The following MMS22L variants were observed in gnomAD, a reference collection of about 807,000 sequenced individuals.
MMS22L encodes MMS22 like, DNA repair protein, also known as protein MMS22-like.
In MMS22L, 74 loss-of-function variants were observed where a neutral mutation model predicts 159.1. That is an observed-to-expected ratio of 0.47 (90% confidence interval 0.39 to 0.56). The LOEUF (loss-of-function observed/expected upper bound fraction) is 0.56, where lower values mean the gene tolerates loss of function less well. Ranked by LOEUF, MMS22L falls within the 20% of genes least tolerant of loss-of-function variation. The pLI, the probability that MMS22L is intolerant of heterozygous loss-of-function variation, is 0.00. For missense variants in MMS22L, 1,351 were observed against 1,422.1 expected (o/e 0.95, Z 0.80); for synonymous variants, 517 against 506.9 (o/e 1.02, Z -0.27).
At chr6:97,151,530 G>T (rs375773862) in intron 23 of MMS22L, 1 of 428,414 alleles carries the variant, frequency 2.3e-6, no homozygotes, top group East Asian at 4.7e-5. Context: ...GTTCATGCAA[G>T]ATTCTTCCTC....
At chr6:97,160,933 T>G (rs1363875360) in intron 22 of MMS22L, among the ~76,000 whole-genome samples, 3 of 152,032 alleles carry the variant, frequency 2.0e-5, no homozygotes, top group Non-Finnish European at 4.4e-5. Context: ...TTGGTTCTTT[T>G]CATAAAATTT....
At chr6:97,266,239 C>T (rs769131045) in intron 8 of MMS22L, 6 of 152,134 alleles carry the variant, frequency 3.9e-5, no homozygotes, top group Non-Finnish European at 8.8e-5. Context: ...TTGGTACAGC[C>T]ATCATGTAAT....
At chr6:97,231,773 T>C (rs1235470130) in intron 12 of MMS22L, 121 bp from the exon 13 acceptor site, 2 of 677,116 alleles carry the variant, frequency 3.0e-6, no homozygotes, top group Admixed American at 5.8e-5. Flanking sequence ...TCACAAAAAC[T>C]ACATGAACAC....
At chr6:97,163,454 C>G (rs1181285999) in intron 21 of MMS22L, among the ~76,000 whole-genome samples, 1 of 151,774 alleles carries the variant, frequency 6.6e-6, no homozygotes, top group East Asian at 1.9e-4. Flanking sequence ...AAAAAAAAAG[C>G]CTTCAACTAT....
intron 16 of MMS22L, among the ~76,000 whole-genome samples, chr6:97,180,260 C>T (rs1202792232): frequency 6.6e-6 from 1 of 152,088 alleles, no homozygotes; most frequent in East Asian, 1.9e-4. Flanking sequence ...CGCCACCATG[C>T]CCGGCTAATT....
intron 24 of MMS22L, 112 bp from the exon 25 acceptor site, chr6:97,146,999 T>C: frequency 1.5e-6 from 1 of 688,782 alleles, no homozygotes; most frequent in African/African-American, 1.9e-5. Context: ...TATTCAGCCA[T>C]CCATCCAGCA....
At chr6:97,205,606 C>G (rs1807701222) in intron 14 of MMS22L, among the ~76,000 whole-genome samples, 1 of 152,144 alleles carries the variant, frequency 6.6e-6, no homozygotes. Context: ...AACATTTAAC[C>G]CAACACTACT....
intron 21 of MMS22L, 60 bp from the exon 22 acceptor site, chr6:97,162,225 T>C: frequency 6.8e-7 from 1 of 1,460,712 alleles, no homozygotes; most frequent in South Asian, 1.3e-5. Flanking sequence ...CAAGACCAAA[T>C]GGCATATAAT....
intron 14 of MMS22L, among the ~76,000 whole-genome samples, chr6:97,204,937 CTTTTTTTTTT>C (rs1222516541): frequency 1.9e-5 from 1 of 52,362 alleles, no homozygotes; most frequent in Non-Finnish European, 3.2e-5. Context: ...TGTACAGTGT[CTTTTTTTTTT>C]TTTTTTTTTT....
chr6:97,264,531 G>A (rs941318664), intron 8 of MMS22L: 3 of 152,010 alleles, frequency 2.0e-5, no homozygotes, highest in African/African-American at 7.2e-5. Context: ...GTATTAGGAT[G>A]TTACTAGAAA....
chr6:97,279,638 T>C (rs915142766), intron 3 of MMS22L, among the ~76,000 whole-genome samples: 2 of 150,900 alleles, frequency 1.3e-5, no homozygotes, highest in Non-Finnish European at 3.0e-5. Context: ...TACACAAAAA[T>C]TAGCCGGGCG....
chr6:97,214,686 T>G (rs565407789), intron 14 of MMS22L, among the ~76,000 whole-genome samples: 40 of 14,244 alleles, frequency 2.8e-3, no homozygotes, highest in African/African-American at 7.8e-3. Context: ...ATTTTTTTTG[T>G]TTTTTTTTTT....
chr6:97,156,251 A>C (rs1801828414), intron 22 of MMS22L, among the ~76,000 whole-genome samples: 2 of 152,056 alleles, frequency 1.3e-5, no homozygotes, highest in African/African-American at 4.8e-5. Flanking sequence ...GGATTGCAAA[A>C]ATTTTCTCTC....
Position 97,229,398 on chromosome 6 carries a change from T to A in MMS22L, c.1535A>T (p.Tyr512Phe), listed in dbSNP as rs776189583. 3.2e-6 allele frequency: 5 copies of A among 1,550,168 alleles called. No individual in the cohort carries two copies. Among genetic ancestry groups the A allele is most frequent in the Non-Finnish European group, 4.4e-6 (5 of 1,147,436 alleles). Residue 512 changes from tyrosine (Y) to phenylalanine (F), a missense_variant, in exon 14 of 25, where the codon TAT (tyrosine) becomes TTT (phenylalanine). By Grantham distance (22) the Tyr-to-Phe change is conservative. Coordinates refer to ENST00000683635, the MANE Select transcript of MMS22L (RefSeq NM_001350599.2). ...CATTCTTTTTTGATGGAATTTTGAA[T>A]ATATTCTGTAAAACATTAAAAAATG... ...HPWKQVKGRI[Y>F]SKFHQKRMEE...
chr6:97,161,431 G>A (rs1802424051), intron 22 of MMS22L, among the ~76,000 whole-genome samples: 1 of 152,026 alleles, frequency 6.6e-6, no homozygotes, highest in African/African-American at 2.4e-5. Flanking sequence ...TGAGGTCAGT[G>A]CTTGAGATTT....
At chr6:97,270,079 C>T (rs937174336) in intron 6 of MMS22L, 87 bp from the exon 7 acceptor site, 1 of 1,044,192 alleles carries the variant, frequency 9.6e-7, no homozygotes, top group African/African-American at 1.6e-5. Flanking sequence ...CCTCCATAAA[C>T]ACAAGGATAA....
Position 97,233,888 on chromosome 6 carries a change from A to T in MMS22L, c.1275T>A (p.Ile425=). 6.2e-7 allele frequency: 1 copy of T among 1,609,168 alleles called. No homozygotes were observed. Among genetic ancestry groups the T allele is most frequent in the Non-Finnish European group, 8.5e-7 (1 of 1,177,980 alleles). Residue 425 remains isoleucine, a synonymous_variant, in exon 12 of 25, where the codon ATT becomes ATA. Transcript: ENST00000683635. ...FWEPNIAIVT[I]LWEYYSKNLN... ...GGTTCTTACTATAATATTCCCATAAAATGGTAACAATTGCAATGTTTGGCT... is the reference window on the plus strand; with the variant it reads ...GGTTCTTACTATAATATTCCCATAATATGGTAACAATTGCAATGTTTGGCT...
chr6:97,200,202 C>T (rs1302030210), intron 14 of MMS22L, among the ~76,000 whole-genome samples: 2 of 151,974 alleles, frequency 1.3e-5, no homozygotes, highest in Non-Finnish European at 2.9e-5. Context: ...AGTATAAGCT[C>T]GTTTAGAATA....
intron 24 of MMS22L, among the ~76,000 whole-genome samples, chr6:97,147,718 G>T (rs1359914281): frequency 6.6e-6 from 1 of 152,070 alleles, no homozygotes; most frequent in Non-Finnish European, 1.5e-5. Flanking sequence ...TCTCTCCTTA[G>T]AAAACCACAG....
Sources: gnomAD v4.1 joint callset for allele counts (sites outside exome capture counted in the v4.1 genomes callset) on GRCh38, gnomAD v4.1.1 for gene constraint, MANE v1.5 for transcripts, NCBI Gene and HGNC (gene_info 2026-07-23, HGNC 2026-07-21) for gene names.